The following ZNF827 variants were observed in gnomAD, a reference collection of about 807,000 sequenced individuals.
ZNF827 encodes the protein zinc finger protein 827.
Under a neutral mutation model 102.4 loss-of-function variants are expected in ZNF827, and 13 were observed. The observed-to-expected ratio is 0.13, with a 90% CI of 0.08 to 0.20. The LOEUF (loss-of-function observed/expected upper bound fraction) is 0.20, where lower values mean the gene tolerates loss of function less well. Ranked by LOEUF, ZNF827 falls within the 10% of genes least tolerant of loss-of-function variation. The probability of loss-of-function intolerance (pLI) is 1.00; values close to 1 mark genes in which losing one functional copy is unlikely to be tolerated. For synonymous variants in ZNF827, 523 were observed against 536.2 expected (o/e 0.98, Z 0.34); for missense variants, 1,103 against 1,344.4 (o/e 0.82, Z 2.81).
At chr4:145,873,241 TTTTTG>T (rs1369785383) in intron 4 of ZNF827, among the ~76,000 whole-genome samples, 2 of 152,168 alleles carry the variant, frequency 1.3e-5, no homozygotes, top group African/African-American at 4.8e-5. Context: ...GGCCCAACAA[TTTTTG>T]TTTTAACACT....
At chr4:145,898,650 C>T (rs1751165442) in intron 2 of ZNF827, among the ~76,000 whole-genome samples, 1 of 152,094 alleles carries the variant, frequency 6.6e-6, no homozygotes, top group South Asian at 2.1e-4. Context: ...GCTGGGGGCG[C>T]AGGGTCACAT....
rs762129360 is a variant in ZNF827 at position 145,902,996 on chromosome 4, C to G, written c.263G>C (p.Ser88Thr). Residue 88 changes from serine (S) to threonine (T), a missense_variant, in exon 2 of 15, where the codon AGT (serine) becomes ACT (threonine). Coordinates refer to ENST00000508784, the MANE Select transcript of ZNF827 (RefSeq NM_001306215.2). The surrounding 1 kb of genome is among the most constrained non-coding windows in gnomAD (Gnocchi z 4.3). ...SHTLELVALD[S>T]EVLRDSLQCQ... ...CTGCAGTGAGTCTCGCAGGACCTCA[C>G]TGTCCAGTGCCACCAGCTCCAACGT... The G allele has an allele frequency of 6.2e-7, 1 of 1,614,186 alleles. No individual in the cohort carries two copies. The highest frequency in any genetic ancestry group is 1.3e-5 in the African/African-American group (1 of 75,060).
At chr4:145,827,354 G>A (rs762129623) in intron 7 of ZNF827, among the ~76,000 whole-genome samples, 3 of 152,114 alleles carry the variant, frequency 2.0e-5, no homozygotes, top group Non-Finnish European at 2.9e-5. Flanking sequence ...TCAGTATAAA[G>A]GTACTGAAGG....
intron 5 of ZNF827, among the ~76,000 whole-genome samples, chr4:145,857,154 T>C (rs1279775586): frequency 6.6e-6 from 1 of 152,230 alleles, no homozygotes; most frequent in East Asian, 1.9e-4. Context: ...CAAATGTCTT[T>C]AGAATTAGCT....
intron 5 of ZNF827, among the ~76,000 whole-genome samples, chr4:145,860,729 T>C (rs1010011258): frequency 1.3e-5 from 2 of 152,072 alleles, no homozygotes; most frequent in African/African-American, 2.4e-5. Context: ...AACGCATACA[T>C]GGGTGGAGTA....
chr4:145,910,845 C>G lies in ZNF827; in HGVS notation c.44-7630G>C, dbSNP rs536010017. On this transcript the variant is annotated intron_variant, in intron 1 of 14. Transcript: ENST00000508784. The stretch of plus-strand genomic sequence containing the variant: ...GCAATTGCTCTTCCTCTGCCTGAAA[C>G]AGCCACATGCTTAATTCCCCTAATT... Among the ~76,000 whole-genome samples the G allele has an allele frequency of 2.4e-3, 361 of 152,322 alleles. 5 individuals carry two copies. Among genetic ancestry groups the G allele is most frequent in the Middle Eastern group, 0.014 (4 of 294 alleles).
At chr4:145,892,560 A>G (rs1222158298) in intron 2 of ZNF827, 145 bp from the exon 3 acceptor site, 29 of 916,962 alleles carry the variant, frequency 3.2e-5, no homozygotes, top group Admixed American at 9.1e-5. Flanking sequence ...TATCCATAAG[A>G]AAGTTTTAGT....
chr4:145,894,142 C>T (rs55771539), intron 2 of ZNF827, among the ~76,000 whole-genome samples: 2,647 of 152,036 alleles, frequency 0.017, 76 homozygotes, highest in African/African-American at 0.06. Flanking sequence ...AAGATATATA[C>T]ATGGAAGTAT....
chr4:145,843,146 C>T (rs1745585763), intron 7 of ZNF827, among the ~76,000 whole-genome samples: 1 of 151,256 alleles, frequency 6.6e-6, no homozygotes, highest in Non-Finnish European at 1.5e-5. Context: ...TTCTATTCCA[C>T]CTGAAGTAAT....
rs530385236 is a variant in ZNF827 at position 145,894,814 on chromosome 4, G to C, written c.1094-2399C>G. Among the ~76,000 whole-genome samples, 3 of 152,106 alleles carry C rather than the reference G, an allele frequency of 2.0e-5. No homozygotes were observed. In the South Asian group the frequency reaches 6.2e-4, roughly 32 times the overall value. ...TTTCTGCTGTCTCTTTTTGTGAATT[G>C]CCTCTGCCGATCTGGAGTCCTATCT... On this transcript the variant is annotated intron_variant, in intron 2 of 14. Coordinates refer to ENST00000508784, the MANE Select transcript of ZNF827 (RefSeq NM_001306215.2).
At chr4:145,877,181 T>C (rs1421530744) in intron 4 of ZNF827, among the ~76,000 whole-genome samples, 1 of 152,218 alleles carries the variant, frequency 6.6e-6, no homozygotes, top group Non-Finnish European at 1.5e-5. Flanking sequence ...GATTATACGA[T>C]CTTTTGAAAA....
chr4:145,773,950 C>G (rs977766127), intron 11 of ZNF827, among the ~76,000 whole-genome samples: 9 of 152,108 alleles, frequency 5.9e-5, no homozygotes, highest in African/African-American at 2.2e-4. Context: ...AGCAATGATA[C>G]AGAGAGCAAG....
Position 145,938,469 on chromosome 4 carries a change from G to A in ZNF827, c.-62C>T, listed in dbSNP as rs995822916. The A allele has an allele frequency of 7.5e-7, 1 of 1,340,700 alleles. No individual in the cohort carries two copies. Among genetic ancestry groups the A allele is most frequent in the Non-Finnish European group, 1.0e-6 (1 of 993,440 alleles). The allele number at this position is 1,340,700 out of a possible 1,614,324, so 83.1% of individuals were successfully genotyped here. A position where few individuals can be genotyped will look rare whatever the true frequency, so the allele number is the denominator to read the frequency against. On this transcript the variant is annotated 5_prime_UTR_variant, in exon 1 of 15. Coordinates refer to ENST00000508784, the MANE Select transcript of ZNF827 (RefSeq NM_001306215.2). ...GTGAGATCAAATAAACCCCCGTGGGGGCAGAGAGGCAGACACTGGCAGGAG... is the reference window on the plus strand; with the variant it reads ...GTGAGATCAAATAAACCCCCGTGGGAGCAGAGAGGCAGACACTGGCAGGAG...
intron 1 of ZNF827, among the ~76,000 whole-genome samples, chr4:145,907,932 CT>C: frequency 6.6e-6 from 1 of 152,236 alleles, no homozygotes; most frequent in Non-Finnish European, 1.5e-5. Context: ...AATATTTCTC[CT>C]TTGGGGAAAA....
intron 1 of ZNF827, among the ~76,000 whole-genome samples, chr4:145,912,193 ACACT>A (rs1752344516): frequency 6.6e-6 from 1 of 152,252 alleles, no homozygotes; most frequent in Non-Finnish European, 1.5e-5. Flanking sequence ...AAGTGCACAC[ACACT>A]CAAACATAAT....
At chr4:145,936,277 G>A (rs1754164322) in intron 1 of ZNF827, among the ~76,000 whole-genome samples, 1 of 151,954 alleles carries the variant, frequency 6.6e-6, no homozygotes, top group Admixed American at 6.6e-5. Context: ...TCGCAGCGCG[G>A]AGCCTCCCAA....
In ZNF827 at chr4:145,763,885, T is replaced by TG. The variant is rs1440478722; in HGVS notation, c.3231-764dup. ...CCCCTCCCCCAAGAGTGAAACGAAA[T>TG]GGAGTTCAACGGAGGTCCTGTTGTT... On this transcript the variant is annotated intron_variant, in intron 13 of 14. Coordinates refer to ENST00000508784, the MANE Select transcript of ZNF827 (RefSeq NM_001306215.2). This position sits in a 1 kb window ranked among gnomAD's most constrained non-coding sequence, Gnocchi z 4.6. 1.3e-4 allele frequency among the ~76,000 whole-genome samples: 19 copies of TG among 149,078 alleles called. No individual in the cohort carries two copies. In the South Asian group the frequency reaches 2.2e-3, roughly 17 times the overall value.
intron 11 of ZNF827, among the ~76,000 whole-genome samples, chr4:145,771,422 G>A (rs1736259982): frequency 6.6e-6 from 1 of 152,130 alleles, no homozygotes. Flanking sequence ...ATTTATTTTG[G>A]TGTCAATGTG....
chr4:145,848,961 G>A (rs1392566082), intron 6 of ZNF827, among the ~76,000 whole-genome samples: 1 of 151,986 alleles, frequency 6.6e-6, no homozygotes, highest in Non-Finnish European at 1.5e-5. Context: ...GTCACTGTTG[G>A]AATAAATTGA....
Sources: allele counts gnomAD v4.1 joint callset (sites outside exome capture counted in the v4.1 genomes callset), GRCh38; gene constraint gnomAD v4.1.1; non-coding constraint Gnocchi (gnomAD v3.1); transcripts MANE v1.5; gene names NCBI Gene and HGNC (gene_info 2026-07-23, HGNC 2026-07-21).